The following GFI1 variants were observed in gnomAD, a reference collection of about 807,000 sequenced individuals.
The protein encoded by GFI1 is growth factor independent 1 transcriptional repressor.
A neutral mutation model predicts 39.2 loss-of-function variants in GFI1; 15 were observed. The ratio of observed to expected loss-of-function variants is 0.38; its 90% CI spans 0.26 to 0.59. GFI1 has a LOEUF of 0.59. GFI1 is among the 20% of genes least tolerant of loss of function. The pLI is 0.62. For missense variants in GFI1, 475 were observed against 574.0 expected (o/e 0.83, Z 1.76); for synonymous variants, 239 against 254.3 (o/e 0.94, Z 0.57).
rs1220855234 is a variant in GFI1 at position 92,475,912 on chromosome 1, A to T, written c.*117T>A. On this transcript the variant is annotated 3_prime_UTR_variant, in exon 7 of 7. Transcript: ENST00000294702. ...CAACCTGGTAGGATCTGCAGACTGG[A>T]CCTGGGGTCTGGAAAGTCAGAAGGG... 2.2e-6 allele frequency: 2 copies of T among 924,672 alleles called. No homozygotes were observed. The highest frequency in any genetic ancestry group is 3.4e-6 in the Non-Finnish European group (2 of 582,584). The allele number at this position is 924,672 out of a possible 1,614,324, so 57.3% of individuals were successfully genotyped here.
rs542452153 is a variant in GFI1, at chr1:92,475,917, G to C, written c.*112C>G. 1.0e-6 allele frequency: 1 copy of C among 967,222 alleles called. No homozygotes were observed. The highest frequency in any genetic ancestry group is 1.6e-6 in the Non-Finnish European group (1 of 619,844). 59.9% of individuals were successfully genotyped at this position (967,222 alleles called of 1,614,324 possible). On this transcript the variant is annotated 3_prime_UTR_variant, in exon 7 of 7. Transcript: ENST00000294702. ...TGGTAGGATCTGCAGACTGGACCTGGGGTCTGGAAAGTCAGAAGGGAGTGG... is the reference window on the plus strand; with the variant it reads ...TGGTAGGATCTGCAGACTGGACCTGCGGTCTGGAAAGTCAGAAGGGAGTGG...
intron 6 of GFI1, among the ~76,000 whole-genome samples, chr1:92,477,832 A>C (rs1008519149): frequency 6.6e-5 from 10 of 152,230 alleles, no homozygotes; most frequent in African/African-American, 2.4e-4. Flanking sequence ...TATTTTGAAA[A>C]GGGCAATAAG....
chr1:92,480,342 G>A lies in GFI1; in HGVS notation c.924+6C>T, dbSNP rs1353929678. On this transcript the variant is annotated splice_donor_region_variant and intron_variant, in intron 5 of 6. Transcript: ENST00000294702. The surrounding 1 kb of genome is among the most constrained non-coding windows in gnomAD (Gnocchi z 5.6). ...GGCCGCGCGCGGCGGTGCGCCCCGC[G>A]CTTACCTGCGAGTGCACGGCTTTGT... The A allele has an allele frequency of 2.6e-6, 4 of 1,548,136 alleles. No individual in the cohort carries two copies. The highest frequency in any genetic ancestry group is 2.7e-5 in the African/African-American group (2 of 72,998).
Position 92,483,453 on chromosome 1 carries a change from G to A in GFI1, c.35C>T (p.Ala12Val). 6.2e-7 allele frequency: 1 copy of A among 1,612,254 alleles called. No homozygotes were observed. Among genetic ancestry groups the A allele is most frequent in the Non-Finnish European group, 8.5e-7 (1 of 1,178,402 alleles). The change falls in exon 2 of 7, where the codon GCT (alanine) becomes GTT (valine). Residue 12 changes from alanine to valine, a missense_variant. Transcript: ENST00000294702. ...GGAGCGCGGCTGGTGGTAGCTGTGA[G>A]CCTTCTTGCTTTTGACGAGAAATGA... Reference protein sequence around the residue: ...PRSFLVKSKKAHSYHQPRSPG... With the variant: ...PRSFLVKSKKVHSYHQPRSPG...
At position 92,481,146 on chromosome 1, in the gene GFI1, CGGGCTGCGGCTGCG is replaced by C; in HGVS notation, c.299-72_299-59del. ...CTTCAGACGGCAGAGCGGAGGCCGCCGGGCTGCGGCTGCGAGCGTGGCGTGTTCGCGGACTGCGG... is the reference window on the plus strand; with the variant it reads ...CTTCAGACGGCAGAGCGGAGGCCGCCAGCGTGGCGTGTTCGCGGACTGCGG... On this transcript the variant is annotated intron_variant, in intron 3 of 6. Transcript: ENST00000294702. The surrounding 1 kb of genome is among the most constrained non-coding windows in gnomAD (Gnocchi z 4.3). The C allele has an allele frequency of 6.8e-7, 1 of 1,464,134 alleles. No individual in the cohort carries two copies. 90.7% of individuals were successfully genotyped at this position (1,464,134 alleles called of 1,614,324 possible).
In GFI1 at chr1:92,478,574, C is replaced by G. The variant is rs189638200; in HGVS notation, c.1090+14G>C. 6.2e-7 allele frequency: 1 copy of G among 1,612,850 alleles called. No homozygotes were observed. The highest frequency in any genetic ancestry group is 1.7e-5 in the Admixed American group (1 of 60,008). On this transcript the variant is annotated intron_variant, in intron 6 of 6. Coordinates refer to ENST00000294702, the MANE Select transcript of GFI1 (RefSeq NM_005263.5). ...CAGGGTGTTTCCTACAAGCCAAGGGCCTTTTTAGCTCACCAGTGTGGATGA... is the reference window on the plus strand; with the variant it reads ...CAGGGTGTTTCCTACAAGCCAAGGGGCTTTTTAGCTCACCAGTGTGGATGA...
chr1:92,478,631 G>C lies in GFI1; in HGVS notation c.1047C>G (p.Phe349Leu). 17 of 1,614,024 alleles carry C rather than the reference G, an allele frequency of 1.1e-5. No individual in the cohort carries two copies. Among genetic ancestry groups the C allele is most frequent in the Non-Finnish European group, 1.4e-5 (16 of 1,179,986 alleles). Residue 349 changes from phenylalanine to leucine, a missense_variant, in exon 6 of 7, where the codon TTC becomes TTG. Coordinates refer to ENST00000294702, the MANE Select transcript of GFI1 (RefSeq NM_005263.5). ...PYPCQYCGKRFHQKSDMKKHT... is the reference protein window; with the variant it reads ...PYPCQYCGKRLHQKSDMKKHT... Reference sequence around the variant, plus strand: ...GTTTCTTCATGTCTGACTTCTGGTGGAACCTCTTGCCACAGTACTGACAGG... The same window carrying C: ...GTTTCTTCATGTCTGACTTCTGGTGCAACCTCTTGCCACAGTACTGACAGG...
At chr1:92,483,248 T>C (rs903221419) in intron 2 of GFI1, 125 bp downstream of exon 2, 7 of 746,022 alleles carry the variant, frequency 9.4e-6, no homozygotes, top group Non-Finnish European at 1.4e-5. Context: ...ACCAGGACAG[T>C]AGGAAACAAA....
rs1448548243 is a variant in GFI1, at chr1:92,484,836, C to G, written c.-99-1250G>C. 2.6e-5 allele frequency among the ~76,000 whole-genome samples: 4 copies of G among 152,220 alleles called. No homozygotes were observed. The highest frequency in any genetic ancestry group is 4.4e-5 in the Non-Finnish European group (3 of 68,030). On this transcript the variant is annotated intron_variant, in intron 1 of 6. Coordinates refer to ENST00000294702, the MANE Select transcript of GFI1 (RefSeq NM_005263.5). This position sits in a 1 kb window ranked among gnomAD's most constrained non-coding sequence, Gnocchi z 4.1. ...CCGGGTTCACACGTGAGCTGCAGTA[C>G]AGCAGTTCTCCGTGGCCTCGGCTGG...
At position 92,483,348 on chromosome 1, in the gene GFI1, C is replaced by T. The variant is rs780411373; in HGVS notation, c.115+25G>A. 9 of 1,344,770 alleles carry T rather than the reference C, an allele frequency of 6.7e-6. No homozygotes were observed. In the South Asian group the frequency reaches 8.2e-5, roughly 12 times the overall value. 83.3% of individuals were successfully genotyped at this position (1,344,770 alleles called of 1,614,324 possible). A position where few individuals can be genotyped will look rare whatever the true frequency, so the allele number is the denominator to read the frequency against. On this transcript the variant is annotated intron_variant, in intron 2 of 6. Coordinates refer to ENST00000294702, the MANE Select transcript of GFI1 (RefSeq NM_005263.5). ...CAGTAGGCATCCGGGGGAGCAGCCC[C>T]GCCTGGCCCGCGCGCGCCTCGCACC...
rs568345533 is a variant in GFI1, at chr1:92,478,419, T to C, written c.1090+169A>G. On this transcript the variant is annotated intron_variant, in intron 6 of 6. Coordinates refer to ENST00000294702, the MANE Select transcript of GFI1 (RefSeq NM_005263.5). Reference sequence around the variant, plus strand: ...ATCAAGGTGGCTCTGGGGAGAATTATGCCGGTAAATGAACCAAAGAACCCA... The same window carrying C: ...ATCAAGGTGGCTCTGGGGAGAATTACGCCGGTAAATGAACCAAAGAACCCA... Among the ~76,000 whole-genome samples the C allele has an allele frequency of 2.0e-4, 31 of 152,222 alleles. 1 individual carries two copies. The highest frequency in any genetic ancestry group is 4.1e-4 in the Non-Finnish European group (28 of 68,044).
rs953597465 is a variant in GFI1 at position 92,473,292 on chromosome 1, G to C, written c.*2737C>G. On this transcript the variant is annotated 3_prime_UTR_variant, in exon 7 of 7. Coordinates refer to ENST00000294702, the MANE Select transcript of GFI1 (RefSeq NM_005263.5). ...TTCTAAACGTCATAAGGGAAGAGCA[G>C]GACAGCACAGGCACCTAGATTTCAA... Among the ~76,000 whole-genome samples the C allele has an allele frequency of 2.6e-5, 4 of 151,980 alleles. No homozygotes were observed. The highest frequency in any genetic ancestry group is 5.9e-5 in the Non-Finnish European group (4 of 68,004).
At chr1:92,476,415 G>C (rs1430861184) in intron 6 of GFI1, among the ~76,000 whole-genome samples, 2 of 152,200 alleles carry the variant, frequency 1.3e-5, no homozygotes, top group Non-Finnish European at 2.9e-5. Context: ...CCAGGTGAAA[G>C]GGAGACTTTC....
Position 92,481,018 on chromosome 1 carries a change from T to A in GFI1, c.369A>T (p.Ser123=). ...QPFPLPFKPY[S]WSGLAGSDLR... ...GGTCAGAACCCGCCAGGCCGCTCCA[T>A]GAGTACGGTTTGAAAGGCAGGGGGA... The change falls in exon 4 of 7, where the codon TCA becomes TCT. Residue 123 remains serine, a synonymous_variant. Coordinates refer to ENST00000294702, the MANE Select transcript of GFI1 (RefSeq NM_005263.5). This position sits in a 1 kb window ranked among gnomAD's most constrained non-coding sequence, Gnocchi z 4.3. 5 of 1,611,694 alleles carry A rather than the reference T, an allele frequency of 3.1e-6. No homozygotes were observed. The highest frequency in any genetic ancestry group is 4.2e-6 in the Non-Finnish European group (5 of 1,179,178).
At chr1:92,483,099 G>A in intron 2 of GFI1, 53 bp from the exon 3 acceptor site, 1 of 1,469,244 alleles carries the variant, frequency 6.8e-7, no homozygotes, top group Non-Finnish European at 9.1e-7. Context: ...TGAGTCTGAG[G>A]GTGCTGAAGG....
At position 92,484,135 on chromosome 1, in the gene GFI1, G is replaced by A. The variant is rs772394058; in HGVS notation, c.-99-549C>T. On this transcript the variant is annotated intron_variant, in intron 1 of 6. Transcript: ENST00000294702. The surrounding 1 kb of genome is among the most constrained non-coding windows in gnomAD (Gnocchi z 4.1). ...GGGGGGAGGGGGGAACAGAACACAA[G>A]ATAAAACTGTGGGGCGGCGGGAGGA... Among the ~76,000 whole-genome samples the A allele has an allele frequency of 3.3e-5, 5 of 152,102 alleles. No individual in the cohort carries two copies. Among genetic ancestry groups the A allele is most frequent in the African/African-American group, 1.2e-4 (5 of 41,424 alleles).
intron 2 of GFI1, 54 bp from the exon 3 acceptor site, chr1:92,483,100 G>T (rs1011603361): frequency 1.4e-5 from 20 of 1,461,966 alleles, no homozygotes; most frequent in Non-Finnish European, 1.7e-5. Flanking sequence ...GAGTCTGAGG[G>T]TGCTGAAGGC....
rs773348585 is a variant in GFI1, at chr1:92,480,187, C to T, written c.924+161G>A. Among the ~76,000 whole-genome samples the T allele has an allele frequency of 1.3e-5, 2 of 152,244 alleles. No homozygotes were observed. Among genetic ancestry groups the T allele is most frequent in the African/African-American group, 2.4e-5 (1 of 41,474 alleles). On this transcript the variant is annotated intron_variant, in intron 5 of 6. Transcript: ENST00000294702. This position sits in a 1 kb window ranked among gnomAD's most constrained non-coding sequence, Gnocchi z 5.6. The stretch of plus-strand genomic sequence containing the variant: ...GCCGGCCACAATCCTCCTTTCCCTA[C>T]ACACCTGCACCAGGGCAAGGGGACG...
chr1:92,475,945 G>T lies in GFI1; in HGVS notation c.*84C>A. On this transcript the variant is annotated 3_prime_UTR_variant, in exon 7 of 7. Coordinates refer to ENST00000294702, the MANE Select transcript of GFI1 (RefSeq NM_005263.5). ...TCTGGAAAGTCAGAAGGGAGTGGAG[G>T]CAAGCAGGGAGCAGAGTGGTGGCAA... The T allele has an allele frequency of 1.5e-6, 2 of 1,304,712 alleles. No individual in the cohort carries two copies. The highest frequency in any genetic ancestry group is 2.2e-6 in the Non-Finnish European group (2 of 917,246). 80.8% of individuals were successfully genotyped at this position (1,304,712 alleles called of 1,614,324 possible). A position where few individuals can be genotyped will look rare whatever the true frequency, so the allele number is the denominator to read the frequency against.
Sources: allele counts gnomAD v4.1 joint callset (sites outside exome capture counted in the v4.1 genomes callset), GRCh38; gene constraint gnomAD v4.1.1; non-coding constraint Gnocchi (gnomAD v3.1); transcripts MANE v1.5; gene names NCBI Gene and HGNC (gene_info 2026-07-23, HGNC 2026-07-21).